MEGF11: variants seen among roughly 807,000 people sequenced by gnomAD.
The protein encoded by MEGF11 is multiple EGF like domains 11, also known as multiple epidermal growth factor-like domains protein 11.
In MEGF11, 126 loss-of-function variants were observed where a neutral mutation model predicts 146.6. That is an observed-to-expected ratio of 0.86 (90% CI 0.74 to 1.00). The LOEUF (loss-of-function observed/expected upper bound fraction) is 1.00, where lower values mean the gene tolerates loss of function less well. Ranked by LOEUF, MEGF11 falls within the 50% of genes least tolerant of loss-of-function variation. The pLI is 0.00. For synonymous variants in MEGF11, 532 were observed against 583.4 expected (o/e 0.91, Z 1.27); for missense variants, 1,509 against 1,521.2 (o/e 0.99, Z 0.13).
At chr15:66,094,264 C>T (rs1329944054) in intron 5 of MEGF11, 138 bp downstream of exon 5, 7 of 616,908 alleles carry the variant, frequency 1.1e-5, no homozygotes, top group African/African-American at 1.1e-4. Flanking sequence ...TACCTCCTCC[C>T]TGATGTTCAC....
intron 4 of MEGF11, among the ~76,000 whole-genome samples, chr15:66,097,206 G>A (rs771379928): frequency 1.3e-5 from 2 of 152,182 alleles, no homozygotes; most frequent in South Asian, 2.1e-4. Flanking sequence ...GCAAATACCC[G>A]AGGCTCAGGC....
At chr15:66,062,207 G>A (rs139090826) in intron 5 of MEGF11, among the ~76,000 whole-genome samples, 1 of 152,214 alleles carries the variant, frequency 6.6e-6, no homozygotes, top group Admixed American at 6.5e-5. Flanking sequence ...CACAGGCTAG[G>A]GTGGCCCCCA....
chr15:66,222,747 C>T (rs974575384), intron 1 of MEGF11, among the ~76,000 whole-genome samples: 2 of 152,146 alleles, frequency 1.3e-5, no homozygotes, highest in Non-Finnish European at 2.9e-5. Context: ...AGCTCAACAC[C>T]GCTAATCCTC....
chr15:66,203,083 T>C (rs2091208765), intron 1 of MEGF11, among the ~76,000 whole-genome samples: 1 of 152,108 alleles, frequency 6.6e-6, no homozygotes, highest in Non-Finnish European at 1.5e-5. Context: ...GATCCTGGAC[T>C]CACAAAAGTC....
At chr15:66,134,634 A>T (rs1243874414) in intron 1 of MEGF11, among the ~76,000 whole-genome samples, 1 of 152,248 alleles carries the variant, frequency 6.6e-6, no homozygotes, top group African/African-American at 2.4e-5. Flanking sequence ...CTTCAGCTCC[A>T]TGGGGATTTG....
chr15:66,097,528 G>A (rs1328327574), intron 4 of MEGF11, among the ~76,000 whole-genome samples: 3 of 152,166 alleles, frequency 2.0e-5, no homozygotes, highest in African/African-American at 7.2e-5. Flanking sequence ...TAAACAGAGT[G>A]TTTTGTCAAG....
In MEGF11 at chr15:66,098,122, G is replaced by A. The variant is rs146044002; in HGVS notation, c.302-3628C>T. 8.4e-3 allele frequency among the ~76,000 whole-genome samples: 1,280 copies of A among 152,308 alleles called. 12 individuals are homozygous for A. The highest frequency in any genetic ancestry group is 0.013 in the Non-Finnish European group (887 of 68,026). Reference sequence around the variant, plus strand: ...GATAGAGCTTGGCCCGGGAACAAACGTGTTCAGAGGTACAGATGGAAGGCC... The same window carrying A: ...GATAGAGCTTGGCCCGGGAACAAACATGTTCAGAGGTACAGATGGAAGGCC... On this transcript the variant is annotated intron_variant, in intron 4 of 25. Coordinates refer to ENST00000395614, the MANE Select transcript of MEGF11 (RefSeq NM_001385028.1).
At chr15:66,183,695 G>C (rs1052592824) in intron 1 of MEGF11, among the ~76,000 whole-genome samples, 1 of 152,190 alleles carries the variant, frequency 6.6e-6, no homozygotes, top group African/African-American at 2.4e-5. Context: ...AGAGAGCTTA[G>C]GACAGGGCTT....
intron 3 of MEGF11, among the ~76,000 whole-genome samples, chr15:66,123,018 T>C (rs778362292): frequency 2.0e-5 from 3 of 152,130 alleles, no homozygotes; most frequent in South Asian, 2.1e-4. Context: ...CTCCTGACCT[T>C]GTGATACGCC....
rs115935643 is a variant in MEGF11 at position 65,915,152 on chromosome 15, C to T, written c.2473+318G>A. On this transcript the variant is annotated intron_variant, in intron 19 of 25. Transcript: ENST00000395614. The stretch of plus-strand genomic sequence containing the variant: ...AAATAACCTACCCAAGGACACCTGG[C>T]GGGTAAGGCAGAACCAGAACTTGGC... Among the ~76,000 whole-genome samples the T allele has an allele frequency of 4.4e-3, 671 of 152,334 alleles. 6 individuals are homozygous for T. Among genetic ancestry groups the T allele is most frequent in the African/African-American group, 0.016 (646 of 41,562 alleles).
At chr15:65,937,455 A>T (rs550822407) in intron 10 of MEGF11, among the ~76,000 whole-genome samples, 56 of 152,340 alleles carry the variant, frequency 3.7e-4, no homozygotes, top group African/African-American at 1.3e-3. Context: ...CGATAGATTC[A>T]TGTTAATGCA....
Position 65,897,850 on chromosome 15 carries a change from A to T in MEGF11, c.*84T>A. The T allele has an allele frequency of 7.5e-7, 1 of 1,327,886 alleles. No homozygotes were observed. The highest frequency in any genetic ancestry group is 1.0e-6 in the Non-Finnish European group (1 of 956,616). 82.3% of individuals were successfully genotyped at this position (1,327,886 alleles called of 1,614,324 possible). A position where few individuals can be genotyped will look rare whatever the true frequency, so the allele number is the denominator to read the frequency against. On this transcript the variant is annotated 3_prime_UTR_variant, in exon 26 of 26. Transcript: ENST00000395614. ...TAACATGCAGCTGGAGCCAGTCTGTACCATTACTTCAAGTCAAGGGACTGT... is the reference window on the plus strand; with the variant it reads ...TAACATGCAGCTGGAGCCAGTCTGTTCCATTACTTCAAGTCAAGGGACTGT...
intron 1 of MEGF11, among the ~76,000 whole-genome samples, chr15:66,252,510 G>A (rs1233353914): frequency 6.6e-6 from 1 of 152,148 alleles, no homozygotes; most frequent in Non-Finnish European, 1.5e-5. Context: ...AGCGCGGGCT[G>A]CGGGGCACCG....
chr15:66,063,955 G>T (rs1250709135), intron 5 of MEGF11, among the ~76,000 whole-genome samples: 3 of 152,194 alleles, frequency 2.0e-5, no homozygotes, highest in African/African-American at 7.2e-5. Context: ...GTTCAAGGTT[G>T]CACAGAAACT....
chr15:66,188,885 G>A (rs996221506), intron 1 of MEGF11, among the ~76,000 whole-genome samples: 2 of 152,198 alleles, frequency 1.3e-5, no homozygotes, highest in Non-Finnish European at 2.9e-5. Context: ...AAAGGGGGTT[G>A]CAGGGCTGGG....
At chr15:65,946,352 C>T (rs1241412676) in intron 10 of MEGF11, among the ~76,000 whole-genome samples, 4 of 152,206 alleles carry the variant, frequency 2.6e-5, no homozygotes, top group Non-Finnish European at 5.9e-5. Flanking sequence ...ACTCAAAGTC[C>T]ATGCTCTCCC....
At chr15:66,099,983 G>A (rs553667686) in intron 4 of MEGF11, among the ~76,000 whole-genome samples, 8 of 152,300 alleles carry the variant, frequency 5.3e-5, no homozygotes, top group South Asian at 2.1e-4. Context: ...AGCCCTTTCC[G>A]TGTCTGGTCC....
intron 1 of MEGF11, among the ~76,000 whole-genome samples, chr15:66,153,895 G>A (rs576026359): frequency 1.8e-4 from 28 of 152,290 alleles, no homozygotes; most frequent in African/African-American, 6.5e-4. Context: ...TTAAGCACCT[G>A]GGCAACAGTG....
chr15:66,219,625 G>A lies in MEGF11; in HGVS notation c.-9+33980C>T, dbSNP rs148108970. Among the ~76,000 whole-genome samples, 802 of 152,104 alleles carry A rather than the reference G, an allele frequency of 5.3e-3. 9 individuals are homozygous for A. The highest frequency in any genetic ancestry group is 0.018 in the African/African-American group (767 of 41,496). ...ACATTGCTGATGGGAATTTGAAATGGTATAGCCACTCTGGAAAACATTTTG... is the reference window on the plus strand; with the variant it reads ...ACATTGCTGATGGGAATTTGAAATGATATAGCCACTCTGGAAAACATTTTG... On this transcript the variant is annotated intron_variant, in intron 1 of 25. Coordinates refer to ENST00000395614, the MANE Select transcript of MEGF11 (RefSeq NM_001385028.1).
Sources: allele counts gnomAD v4.1 joint callset (sites outside exome capture counted in the v4.1 genomes callset), GRCh38; gene constraint gnomAD v4.1.1; transcripts MANE v1.5; gene names NCBI Gene and HGNC (gene_info 2026-07-23, HGNC 2026-07-21).